SMARCA2: variants seen among roughly 807,000 people sequenced by gnomAD.
The protein encoded by SMARCA2 is SWI/SNF related BAF chromatin remodeling complex subunit ATPase 2.
SMARCA2 carries 61 observed loss-of-function variants against 199.8 expected under a neutral mutation model. The ratio of observed to expected loss-of-function variants is 0.31; its 90% CI spans 0.25 to 0.38. The LOEUF is 0.38. Ranked by LOEUF, SMARCA2 falls within the 10% of genes least tolerant of loss-of-function variation. The pLI, the probability that SMARCA2 is intolerant of heterozygous loss-of-function variation, is 1.00. For synonymous variants in SMARCA2, 935 were observed against 732.0 expected, an observed-to-expected ratio of 1.28 and a Z score of -4.48; for missense variants, 1,344 against 2,012.2, an observed-to-expected ratio of 0.67 and a Z score of 6.35.
chr9:2,043,495 A>C (rs530221974), intron 4 of SMARCA2: 1 of 152,302 alleles, frequency 6.6e-6, no homozygotes, highest in Middle Eastern at 3.4e-3. Flanking sequence ...GAACTGAAAA[A>C]ATTTGGGGTT....
At chr9:2,126,462 C>T (rs1480531681) in intron 27 of SMARCA2, among the ~76,000 whole-genome samples, 2 of 152,216 alleles carry the variant, frequency 1.3e-5, no homozygotes, top group Admixed American at 1.3e-4. Flanking sequence ...TCACCAGCAG[C>T]AATCCTATTT....
In SMARCA2 at chr9:2,040,033, C is replaced by T. The variant is rs1819537020; in HGVS notation, c.790+133C>T. On this transcript the variant is annotated intron_variant, in intron 4 of 33. Transcript: ENST00000349721. ...TGTTATACCTCACTGGCTCTCTATC[C>T]TTGCTCCACTTAGATGGCCAAGATT... 21 of 1,465,956 alleles carry T rather than the reference C, an allele frequency of 1.4e-5. No individual in the cohort carries two copies. The South Asian group carries it at 1.6e-4, about 11-fold the overall frequency. 90.8% of individuals were successfully genotyped at this position (1,465,956 alleles called of 1,614,324 possible). A position where few individuals can be genotyped will look rare whatever the true frequency, so the allele number is the denominator to read the frequency against.
intron 29 of SMARCA2, among the ~76,000 whole-genome samples, chr9:2,180,670 A>G (rs187913946): frequency 6.6e-6 from 1 of 152,374 alleles, no homozygotes; most frequent in Admixed American, 6.5e-5. Context: ...AGACCAAATC[A>G]GATATTAGGA....
chr9:2,136,222 C>T lies in SMARCA2; in HGVS notation c.3981+12285C>T, dbSNP rs144284097. On this transcript the variant is annotated intron_variant, in intron 27 of 33. Coordinates refer to ENST00000349721, the MANE Select transcript of SMARCA2 (RefSeq NM_003070.5). ...TTTTTTTTTAAGATACAGTTTCAAT[C>T]TGTTGCCCCGGCTGGAGTGCAGTGG... 4.6e-4 allele frequency among the ~76,000 whole-genome samples: 63 copies of T among 136,312 alleles called. No homozygotes were observed. In the East Asian group the frequency reaches 0.01, roughly 23 times the overall value. 89.4% of individuals were successfully genotyped at this position (136,312 alleles called of 152,430 possible).
chr9:2,146,708 T>C (rs187955170), intron 27 of SMARCA2, among the ~76,000 whole-genome samples: 6 of 152,184 alleles, frequency 3.9e-5, no homozygotes, highest in African/African-American at 1.2e-4. Context: ...TTTGATGATA[T>C]GCTAAATAAA....
Position 2,140,164 on chromosome 9 carries a change from T to G in SMARCA2, c.3981+16227T>G, listed in dbSNP as rs571967558. 4.3e-4 allele frequency among the ~76,000 whole-genome samples: 66 copies of G among 152,372 alleles called. 1 individual carries two copies. The highest frequency in any genetic ancestry group is 1.6e-3 in the African/African-American group (65 of 41,590). Reference sequence around the variant, plus strand: ...CTAGTACTCTCATCAAGAAGTCACCTACTCTGGTCCCATTTTAAATCCCCT... The same window carrying G: ...CTAGTACTCTCATCAAGAAGTCACCGACTCTGGTCCCATTTTAAATCCCCT... On this transcript the variant is annotated intron_variant, in intron 27 of 33. Transcript: ENST00000349721.
chr9:2,084,226 A>T, intron 17 of SMARCA2, 30 bp downstream of exon 17: 2 of 1,170,842 alleles, frequency 1.7e-6, no homozygotes, highest in Non-Finnish European at 2.5e-6. Context: ...TTTTCTCTCT[A>T]ATTAGGACCA....
intron 10 of SMARCA2, among the ~76,000 whole-genome samples, chr9:2,070,756 G>T (rs566388449): frequency 6.6e-6 from 1 of 152,184 alleles, no homozygotes; most frequent in Admixed American, 6.5e-5. Flanking sequence ...TATATAGGAT[G>T]TGTAAGAATC....
intron 31 of SMARCA2, among the ~76,000 whole-genome samples, chr9:2,184,366 T>TC (rs1343482369): frequency 6.6e-6 from 1 of 150,878 alleles, no homozygotes; most frequent in African/African-American, 2.4e-5. Context: ...TTTTTTTTTT[T>TC]TTTTGAGATG....
Position 2,062,611 on chromosome 9 carries a change from G to C in SMARCA2, c.1692+1625G>C, listed in dbSNP as rs142804799. ...TGGTGTTATTCTGCATGATCTGTAA[G>C]TTGGCACGCCCCTTTCAAACCCTTG... On this transcript the variant is annotated intron_variant, in intron 9 of 33. Coordinates refer to ENST00000349721, the MANE Select transcript of SMARCA2 (RefSeq NM_003070.5). Among the ~76,000 whole-genome samples, 661 of 152,296 alleles carry C rather than the reference G, an allele frequency of 4.3e-3. 4 individuals carry two copies. Among genetic ancestry groups the C allele is most frequent in the African/African-American group, 0.015 (614 of 41,574 alleles).
In SMARCA2 at chr9:2,167,935, C is replaced by A. The variant is rs547401881; in HGVS notation, c.4200-2484C>A. Among the ~76,000 whole-genome samples the A allele has an allele frequency of 3.9e-5, 6 of 152,138 alleles. No homozygotes were observed. The East Asian group carries it at 5.8e-4, about 15-fold the overall frequency. Reference sequence around the variant, plus strand: ...TCAGGGAAGTAGGGGTCGTATGAGCCCCATTATCTGAGGATACAATGACAT... The same window carrying A: ...TCAGGGAAGTAGGGGTCGTATGAGCACCATTATCTGAGGATACAATGACAT... On this transcript the variant is annotated intron_variant, in intron 28 of 33. Coordinates refer to ENST00000349721, the MANE Select transcript of SMARCA2 (RefSeq NM_003070.5).
chr9:2,146,451 G>T (rs994485255), intron 27 of SMARCA2, among the ~76,000 whole-genome samples: 8 of 152,138 alleles, frequency 5.3e-5, no homozygotes, highest in African/African-American at 1.9e-4. Flanking sequence ...CTTACTCAAA[G>T]TTAGCCTTTG....
intron 3 of SMARCA2, among the ~76,000 whole-genome samples, chr9:2,037,668 T>C (rs541116894): frequency 6.6e-6 from 1 of 152,340 alleles, no homozygotes; most frequent in African/African-American, 2.4e-5. Flanking sequence ...CAAATTTTTC[T>C]TAGGTTCGGG....
chr9:2,020,785 A>G (rs1292649806), intron 1 of SMARCA2, among the ~76,000 whole-genome samples: 1 of 152,212 alleles, frequency 6.6e-6, no homozygotes, highest in African/African-American at 2.4e-5. Flanking sequence ...AAAACATACA[A>G]TAGAGCCAAT....
chr9:2,160,055 G>A, intron 27 of SMARCA2: 2 of 1,017,694 alleles, frequency 2.0e-6, no homozygotes, highest in Middle Eastern at 2.3e-4. Context: ...ATTAACTGTT[G>A]ACAGCCTTGC....
Position 2,110,308 on chromosome 9 carries a change from G to T in SMARCA2, c.3347G>T (p.Gly1116Val), listed in dbSNP as rs748548278. The T allele has an allele frequency of 1.2e-6, 2 of 1,613,674 alleles. No individual in the cohort carries two copies. The highest frequency in any genetic ancestry group is 1.7e-6 in the Non-Finnish European group (2 of 1,179,772). Reference protein sequence around the residue: ...AALLKKFNEPGSQYFIFLLST... With the variant: ...AALLKKFNEPVSQYFIFLLST... ...TTGCTGAAGAAATTCAATGAACCTG[G>T]ATCCCAGTATTTCATTTTCTTGCTG... The change falls in exon 24 of 34, where the codon GGA (glycine) becomes GTA (valine). Residue 1116 changes from glycine (G) to valine (V), a missense_variant. Physicochemically the swap from Gly to Val is moderately radical, Grantham distance 109. Around this residue, in one of 18 missense-constraint regions of SMARCA2, gnomAD observed 98 missense variants for 245.6 expected, o/e 0.40. Transcript: ENST00000349721. The surrounding 1 kb of genome is among the most constrained non-coding windows in gnomAD (Gnocchi z 4.8).
chr9:2,191,097 G>T (rs1827847131), intron 32 of SMARCA2, among the ~76,000 whole-genome samples, 169 bp from the exon 33 acceptor site: 1 of 152,204 alleles, frequency 6.6e-6, no homozygotes, highest in Non-Finnish European at 1.5e-5. Context: ...GTTGGCAAGT[G>T]AAAGGGGTCG....
chr9:2,167,275 CATTT>C (rs1161659349), intron 28 of SMARCA2, among the ~76,000 whole-genome samples: 1 of 152,182 alleles, frequency 6.6e-6, no homozygotes, highest in African/African-American at 2.4e-5. Flanking sequence ...TTTTGTTCAC[CATTT>C]ATTATGCCTT....
At chr9:2,149,177 G>GC (rs1277497462) in intron 27 of SMARCA2, among the ~76,000 whole-genome samples, 3 of 151,252 alleles carry the variant, frequency 2.0e-5, no homozygotes, top group African/African-American at 2.4e-5. Context: ...GAGGCAAAAG[G>GC]CACTTCTTAC....
Sources: allele counts gnomAD v4.1 joint callset (sites outside exome capture counted in the v4.1 genomes callset), GRCh38; gene constraint gnomAD v4.1.1; regional missense constraint gnomAD v4.1.1; non-coding constraint Gnocchi (gnomAD v3.1); transcripts MANE v1.5; gene names NCBI Gene and HGNC (gene_info 2026-07-23, HGNC 2026-07-21).